Variants in KDM4C observed in about 807,000 individuals in gnomAD.
KDM4C encodes lysine-specific demethylase 4C.
A neutral mutation model predicts 129.3 loss-of-function variants in KDM4C; 81 were observed. The ratio of observed to expected loss-of-function variants is 0.63; its 90% confidence interval spans 0.52 to 0.75. KDM4C has a LOEUF of 0.75. Ranked by LOEUF, KDM4C falls within the 30% of genes least tolerant of loss-of-function variation. The pLI is 0.00. For missense variants in KDM4C, 1,457 were observed against 1,304.0 expected, an observed-to-expected ratio of 1.12 and a Z score of -1.81; for synonymous variants, 573 against 456.1, an observed-to-expected ratio of 1.26 and a Z score of -3.26.
At chr9:6,810,484 T>C (rs1830946739) in intron 3 of KDM4C, among the ~76,000 whole-genome samples, 1 of 152,226 alleles carries the variant, frequency 6.6e-6, no homozygotes, top group Non-Finnish European at 1.5e-5. Context: ...TTAGAGATGG[T>C]TTAAAAAATT....
chr9:6,751,123 G>A (rs1818051030), intron 1 of KDM4C, among the ~76,000 whole-genome samples: 1 of 152,150 alleles, frequency 6.6e-6, no homozygotes. Context: ...CATCACTTCT[G>A]TCACATTCTG....
At chr9:6,956,838 A>G (rs915173687) in intron 8 of KDM4C, among the ~76,000 whole-genome samples, 3 of 152,296 alleles carry the variant, frequency 2.0e-5, no homozygotes, top group African/African-American at 7.2e-5. Context: ...ATCAAGGCAT[A>G]GTAGGGTATC....
chr9:6,918,882 C>A (rs13283705), intron 8 of KDM4C, among the ~76,000 whole-genome samples: 45 of 151,976 alleles, frequency 3.0e-4, no homozygotes, highest in Admixed American at 2.4e-3. Flanking sequence ...GACAGAGTCT[C>A]ACTCTGTTGC....
At chr9:7,146,981 G>A (rs920836634) in intron 19 of KDM4C, among the ~76,000 whole-genome samples, 3 of 152,086 alleles carry the variant, frequency 2.0e-5, no homozygotes, top group African/African-American at 7.2e-5. Context: ...TATCCTCTAG[G>A]TATATTCCTG....
intron 8 of KDM4C, among the ~76,000 whole-genome samples, chr9:6,899,358 T>A (rs1409594358): frequency 1.3e-5 from 2 of 152,156 alleles, no homozygotes; most frequent in African/African-American, 2.4e-5. Context: ...TAGTTTTTTT[T>A]AAACTTTTAT....
intron 1 of KDM4C, 40 bp from the exon 2 acceptor site, chr9:6,792,932 T>C (rs750957828): frequency 1.9e-6 from 3 of 1,603,160 alleles, no homozygotes; most frequent in East Asian, 2.2e-5. Flanking sequence ...CTAAAGCATA[T>C]AATAATTCAG....
intron 8 of KDM4C, among the ~76,000 whole-genome samples, chr9:6,911,187 A>G (rs1436235910): frequency 4.6e-5 from 7 of 152,232 alleles, no homozygotes; most frequent in Non-Finnish European, 1.5e-5. Flanking sequence ...GTATAGCTCT[A>G]TTAATAAAAA....
At chr9:6,858,379 T>C (rs1564176366) in intron 5 of KDM4C, among the ~76,000 whole-genome samples, 1 of 152,050 alleles carries the variant, frequency 6.6e-6, no homozygotes, top group African/African-American at 2.4e-5. Flanking sequence ...ACCTACAACA[T>C]TGACATCCCT....
At chr9:7,063,915 T>C (rs1484746714) in intron 17 of KDM4C, among the ~76,000 whole-genome samples, 3 of 152,184 alleles carry the variant, frequency 2.0e-5, no homozygotes, top group African/African-American at 7.2e-5. Context: ...AAGAGGGAGC[T>C]CTGAGTCTCA....
chr9:6,974,108 A>C (rs886893121), intron 8 of KDM4C, among the ~76,000 whole-genome samples: 2 of 152,188 alleles, frequency 1.3e-5, no homozygotes, highest in Non-Finnish European at 2.9e-5. Context: ...GTGACATCCA[A>C]CAAGTCAGTT....
intron 19 of KDM4C, among the ~76,000 whole-genome samples, chr9:7,154,474 A>T (rs1031486373): frequency 6.6e-6 from 1 of 152,176 alleles, no homozygotes; most frequent in African/African-American, 2.4e-5. Flanking sequence ...GGGGGTGGGG[A>T]TAGGGCTAAG....
At chr9:6,876,395 G>C (rs1021210497) in intron 5 of KDM4C, among the ~76,000 whole-genome samples, 1 of 152,154 alleles carries the variant, frequency 6.6e-6, no homozygotes, top group Admixed American at 6.5e-5. Context: ...CAGTCGATCT[G>C]TTCCGTGTTG....
chr9:7,088,168 C>A (rs1835363505), intron 17 of KDM4C, among the ~76,000 whole-genome samples: 1 of 152,210 alleles, frequency 6.6e-6, no homozygotes. Context: ...CCACTTGCTT[C>A]TTCCTCCAGG....
rs185920609 is a variant in KDM4C at position 6,789,073 on chromosome 9, C to T, written c.-17-3899C>T. ...TTTTTTTTTTTTTTGAAACAGGGTC[C>T]CACTCTTTCACCCAGGCTGGAGTGG... On this transcript the variant is annotated intron_variant, in intron 1 of 21. Coordinates refer to ENST00000381309, the MANE Select transcript of KDM4C (RefSeq NM_015061.6). 3.7e-3 allele frequency among the ~76,000 whole-genome samples: 552 copies of T among 150,774 alleles called. 6 individuals are homozygous for T. Among genetic ancestry groups the T allele is most frequent in the African/African-American group, 0.013 (517 of 41,034 alleles).
chr9:6,875,046 C>T (rs1466009453), intron 5 of KDM4C, among the ~76,000 whole-genome samples: 2 of 152,086 alleles, frequency 1.3e-5, no homozygotes, highest in African/African-American at 4.8e-5. Context: ...GCACACCAGA[C>T]TGACCCTAAA....
intron 21 of KDM4C, chr9:7,170,296 A>C: frequency 2.8e-6 from 3 of 1,057,916 alleles, no homozygotes; most frequent in African/African-American, 1.7e-5. Context: ...ATGTCTGTCT[A>C]TTCTTTTATA....
chr9:6,919,227 T>TTTCTTTCC, intron 8 of KDM4C, among the ~76,000 whole-genome samples: 1 of 84,422 alleles, frequency 1.2e-5, no homozygotes, highest in Admixed American at 1.1e-4. Flanking sequence ...TTTTTCCTTC[T>TTTCTTTCC]TTCTTTCTTT....
chr9:7,039,222 C>A (rs1167841246), intron 15 of KDM4C, among the ~76,000 whole-genome samples: 1 of 151,966 alleles, frequency 6.6e-6, no homozygotes, highest in Non-Finnish European at 1.5e-5. Flanking sequence ...CACATAAACA[C>A]ACACTCCATT....
chr9:7,052,899 G>GAGAGAGAGAGAC (rs1564049753), intron 17 of KDM4C, among the ~76,000 whole-genome samples: 4 of 9,988 alleles, frequency 4.0e-4, no homozygotes, highest in African/African-American at 1.9e-3. Context: ...GAGAGAGAGA[G>GAGAGAGAGAGAC]AGCGAGCGAG....
Sources: gnomAD v4.1 joint callset for allele counts (sites outside exome capture counted in the v4.1 genomes callset) on GRCh38, gnomAD v4.1.1 for gene constraint, MANE v1.5 for transcripts, NCBI Gene and HGNC (gene_info 2026-07-23, HGNC 2026-07-21) for gene names.